GK5: variants seen among roughly 807,000 people sequenced by gnomAD.
GK5 encodes the protein ATP:glycerol 3-phosphotransferase 5.
GK5 carries 39 observed loss-of-function variants against 77.3 expected under a neutral mutation model. The observed-to-expected ratio is 0.50, with a 90% CI of 0.39 to 0.66. The LOEUF (loss-of-function observed/expected upper bound fraction) is 0.66. Ranked by LOEUF, GK5 falls within the 30% of genes least tolerant of loss-of-function variation. The pLI is 0.00. For synonymous variants in GK5, 211 were observed against 208.0 expected (o/e 1.01, Z -0.13); for missense variants, 487 against 633.8 (o/e 0.77, Z 2.49).
chr3:142,166,299 T>A (rs983907023), intron 15 of GK5, among the ~76,000 whole-genome samples: 3 of 152,182 alleles, frequency 2.0e-5, no homozygotes, highest in Non-Finnish European at 4.4e-5. Context: ...GATATTTTCT[T>A]TTTTATGCAA....
chr3:142,185,785 G>T, intron 9 of GK5, 144 bp downstream of exon 9: 1 of 1,551,672 alleles, frequency 6.4e-7, no homozygotes, highest in Non-Finnish European at 8.7e-7. Flanking sequence ...CATATCCAGG[G>T]ACCTTTAACT....
intron 1 of GK5, among the ~76,000 whole-genome samples, chr3:142,220,546 C>T (rs2064330632): frequency 6.6e-6 from 1 of 152,146 alleles, no homozygotes; most frequent in Non-Finnish European, 1.5e-5. Context: ...CTCTACTCAC[C>T]TTGGCTCCCA....
At chr3:142,190,373 G>C (rs2063832029) in intron 5 of GK5, among the ~76,000 whole-genome samples, 1 of 152,094 alleles carries the variant, frequency 6.6e-6, no homozygotes, top group African/African-American at 2.4e-5. Context: ...CAAAAAAAAA[G>C]TTGAGCAAAC....
chr3:142,201,538 CAA>C (rs923434056), intron 4 of GK5, among the ~76,000 whole-genome samples: 1 of 152,136 alleles, frequency 6.6e-6, no homozygotes, highest in African/African-American at 2.4e-5. Context: ...AAGAACAACA[CAA>C]GAGATCTTTG....
At chr3:142,194,607 T>C (rs1307663639) in intron 5 of GK5, among the ~76,000 whole-genome samples, 2 of 151,746 alleles carry the variant, frequency 1.3e-5, no homozygotes, top group East Asian at 3.9e-4. Flanking sequence ...TAAGAGGATC[T>C]CTTGAGCCTG....
rs957118510 is a variant in GK5 at position 142,162,431 on chromosome 3, A to T, written c.*3191T>A. On this transcript the variant is annotated 3_prime_UTR_variant, in exon 16 of 16. Transcript: ENST00000392993. Reference sequence around the variant, plus strand: ...TACAGCATAGCATCCCAAAATAAAGATTTATCCAGTCCAAAATGTCAATGC... The same window carrying T: ...TACAGCATAGCATCCCAAAATAAAGTTTTATCCAGTCCAAAATGTCAATGC... 1 of 152,184 alleles carries T rather than the reference A, an allele frequency of 6.6e-6. No homozygotes were observed. The highest frequency in any genetic ancestry group is 1.5e-5 in the Non-Finnish European group (1 of 68,038). The allele number at this position is 152,184 out of a possible 1,614,324, so 9.4% of individuals were successfully genotyped here. A position where few individuals can be genotyped will look rare whatever the true frequency, so the allele number is the denominator to read the frequency against.
intron 11 of GK5, 65 bp from the exon 12 acceptor site, chr3:142,177,641 A>T: frequency 2.3e-6 from 2 of 883,446 alleles, no homozygotes; most frequent in Non-Finnish European, 3.7e-6. Flanking sequence ...AGGCACAAAC[A>T]GAATTATGTT....
chr3:142,198,647 C>A (rs902368339), intron 5 of GK5, among the ~76,000 whole-genome samples, 155 bp downstream of exon 5: 17 of 152,086 alleles, frequency 1.1e-4, no homozygotes, highest in African/African-American at 3.9e-4. Context: ...AAATAAGATG[C>A]CACTTTGTCT....
chr3:142,216,777 C>A (rs2064281539), intron 1 of GK5, among the ~76,000 whole-genome samples: 1 of 152,142 alleles, frequency 6.6e-6, no homozygotes, highest in South Asian at 2.1e-4. Flanking sequence ...ACCAAAAATA[C>A]TAAGAACAGA....
chr3:142,208,337 A>C (rs1001101626), intron 3 of GK5, among the ~76,000 whole-genome samples: 4 of 152,158 alleles, frequency 2.6e-5, no homozygotes, highest in African/African-American at 9.7e-5. Context: ...ACTGCTTTTG[A>C]TGTCATTTAA....
At chr3:142,209,006 G>A (rs563203284) in intron 3 of GK5, among the ~76,000 whole-genome samples, 40 of 152,196 alleles carry the variant, frequency 2.6e-4, no homozygotes, top group Middle Eastern at 3.4e-3. Flanking sequence ...AAAATTAGCC[G>A]AGCGCGGTGG....
intron 1 of GK5, among the ~76,000 whole-genome samples, chr3:142,220,835 G>A (rs2064335704): frequency 6.6e-6 from 1 of 152,212 alleles, no homozygotes; most frequent in South Asian, 2.1e-4. Flanking sequence ...AGGTTCCTCT[G>A]AAAGCTGGGA....
intron 1 of GK5, among the ~76,000 whole-genome samples, chr3:142,224,197 G>C (rs1035524223): frequency 2.0e-5 from 3 of 152,008 alleles, no homozygotes; most frequent in African/African-American, 7.3e-5. Context: ...TTGAGCCCAG[G>C]AATTTCCAGA....
At chr3:142,197,197 G>GA (rs199647397) in intron 5 of GK5, among the ~76,000 whole-genome samples, 22 of 146,386 alleles carry the variant, frequency 1.5e-4, no homozygotes, top group South Asian at 2.2e-4. Flanking sequence ...AAAAAAAAGA[G>GA]AAAAAAAAAA....
chr3:142,198,481 G>A (rs2063968874), intron 5 of GK5, among the ~76,000 whole-genome samples: 1 of 152,166 alleles, frequency 6.6e-6, no homozygotes, highest in African/African-American at 2.4e-5. Context: ...GGGCGTGGTG[G>A]CACGCGCCTG....
chr3:142,222,633 T>C (rs1045227210), intron 1 of GK5, among the ~76,000 whole-genome samples: 3 of 151,834 alleles, frequency 2.0e-5, no homozygotes, highest in African/African-American at 7.3e-5. Flanking sequence ...CTAGTCCTAG[T>C]GCAGTAACTC....
Position 142,225,519 on chromosome 3 carries a change from C to T in GK5, c.-64G>A, listed in dbSNP as rs749718747. The T allele has an allele frequency of 3.2e-3, 5,033 of 1,549,880 alleles. 15 individuals carry two copies. The highest frequency in any genetic ancestry group is 3.9e-3 in the Non-Finnish European group (4,526 of 1,155,640). On this transcript the variant is annotated 5_prime_UTR_variant, in exon 1 of 16. Transcript: ENST00000392993. ...AGAGGGCGCGCTACAAATCCCAATG[C>T]TCCAGAGTCCCCGGGCGGCCCAACC...
rs1165441031 is a variant in GK5, at chr3:142,179,552, A to G, written c.1048+1909T>C. ...TTGGTTTTAAAATCTATACTTTTTA[A>G]TGAATCTTGTCCAAATGTTCAATTT... On this transcript the variant is annotated intron_variant, in intron 11 of 15. Coordinates refer to ENST00000392993, the MANE Select transcript of GK5 (RefSeq NM_001039547.3). Among the ~76,000 whole-genome samples, 4 of 152,228 alleles carry G rather than the reference A, an allele frequency of 2.6e-5. No individual in the cohort carries two copies. The East Asian group carries it at 7.7e-4, about 29-fold the overall frequency.
chr3:142,220,583 C>T (rs1455014620), intron 1 of GK5, among the ~76,000 whole-genome samples: 2 of 152,150 alleles, frequency 1.3e-5, no homozygotes, highest in African/African-American at 4.8e-5. Flanking sequence ...ACCATTATTC[C>T]TTATAATGGC....
Sources: allele counts gnomAD v4.1 joint callset (sites outside exome capture counted in the v4.1 genomes callset), GRCh38; gene constraint gnomAD v4.1.1; transcripts MANE v1.5; gene names NCBI Gene and HGNC (gene_info 2026-07-23, HGNC 2026-07-21).